Variants in KCNK2 observed in about 807,000 individuals in gnomAD.
The protein encoded by KCNK2 is potassium two pore domain channel subfamily K member 2, also known as potassium channel subfamily K member 2.
In KCNK2, 21 loss-of-function variants were observed where a neutral mutation model predicts 40.5. That is an observed-to-expected ratio of 0.52 (90% CI 0.37 to 0.75). The LOEUF is 0.75. Ranked by LOEUF, KCNK2 falls within the 30% of genes least tolerant of loss-of-function variation. The pLI is 0.00. For missense variants in KCNK2, 399 were observed against 531.6 expected (o/e 0.75, Z 2.45); for synonymous variants, 191 against 202.2 (o/e 0.94, Z 0.47).
rs563145996 is a variant in KCNK2 at position 215,230,761 on chromosome 1, C to T, written c.964-4067C>T. ...GCTAGAAGGTGAGGCTCCCATTCAT[C>T]CCCCCACCTGTCCCACCCCATTTCT... On this transcript the variant is annotated intron_variant, in intron 6 of 6. Coordinates refer to ENST00000444842, the MANE Select transcript of KCNK2 (RefSeq NM_001017425.3). Among the ~76,000 whole-genome samples the T allele has an allele frequency of 1.3e-4, 20 of 151,598 alleles. No individual in the cohort carries two copies. The East Asian group carries it at 1.6e-3, about 12-fold the overall frequency.
chr1:215,224,087 T>C (rs1373458330), intron 6 of KCNK2, among the ~76,000 whole-genome samples: 2 of 152,160 alleles, frequency 1.3e-5, no homozygotes, highest in African/African-American at 2.4e-5. Context: ...AAGCAGCATA[T>C]TGAAAATGAA....
At chr1:215,177,229 A>T (rs1171380025) in intron 5 of KCNK2, among the ~76,000 whole-genome samples, 1 of 151,762 alleles carries the variant, frequency 6.6e-6, no homozygotes, top group East Asian at 1.9e-4. Flanking sequence ...GATTTGTTTA[A>T]ATTCCTTTAA....
Position 215,169,249 on chromosome 1 carries a change from A to T in KCNK2, c.526A>T (p.Ile176Phe). Residue 176 changes from isoleucine to phenylalanine, a missense_variant, in exon 4 of 7, where the codon ATC becomes TTC. Transcript: ENST00000444842. ...AGAAGGCGGCAAAATATTCTGTATC[A>T]TCTATGCCTTACTGGGAATTCCCCT... Reference protein sequence around the residue: ...RTEGGKIFCIIYALLGIPLFG... With the variant: ...RTEGGKIFCIFYALLGIPLFG... 1.2e-6 allele frequency: 2 copies of T among 1,613,188 alleles called. No individual in the cohort carries two copies. Among genetic ancestry groups the T allele is most frequent in the Non-Finnish European group, 1.7e-6 (2 of 1,179,396 alleles).
At chr1:215,077,066 A>G (rs1367752484) in intron 1 of KCNK2, among the ~76,000 whole-genome samples, 1 of 152,202 alleles carries the variant, frequency 6.6e-6, no homozygotes, top group Non-Finnish European at 1.5e-5. Context: ...TTTCAGGCTC[A>G]AGGTCAGCGG....
chr1:215,100,376 G>A (rs946072773), intron 2 of KCNK2, among the ~76,000 whole-genome samples: 3 of 151,900 alleles, frequency 2.0e-5, no homozygotes, highest in South Asian at 2.1e-4. Flanking sequence ...TAAATGGAAC[G>A]TCTTATTTTC....
intron 1 of KCNK2, among the ~76,000 whole-genome samples, chr1:215,026,569 C>A (rs540311999): frequency 5.1e-4 from 78 of 152,018 alleles, no homozygotes; most frequent in Non-Finnish European, 1.0e-3. Flanking sequence ...AATGTATACA[C>A]TCTGTCTTTT....
At chr1:215,075,354 T>A (rs1658891123) in intron 1 of KCNK2, among the ~76,000 whole-genome samples, 1 of 152,200 alleles carries the variant, frequency 6.6e-6, no homozygotes, top group South Asian at 2.1e-4. Context: ...AGTTTTATGG[T>A]AAAGTAACAT....
At chr1:215,007,935 A>G (rs759543993) in intron 1 of KCNK2, among the ~76,000 whole-genome samples, 18 of 152,166 alleles carry the variant, frequency 1.2e-4, no homozygotes, top group Non-Finnish European at 2.5e-4. Context: ...CAAATCTTTC[A>G]GAAGCAATTC....
chr1:215,170,280 G>A (rs1027831818), intron 4 of KCNK2, among the ~76,000 whole-genome samples: 2 of 152,108 alleles, frequency 1.3e-5, no homozygotes, highest in African/African-American at 4.8e-5. Context: ...AGAACCAAAG[G>A]TGTAGAATAC....
At chr1:215,011,708 T>C (rs1448443537) in intron 1 of KCNK2, among the ~76,000 whole-genome samples, 1 of 151,934 alleles carries the variant, frequency 6.6e-6, no homozygotes, top group Non-Finnish European at 1.5e-5. Flanking sequence ...TGGGTTCAAG[T>C]GATTCTCCCG....
chr1:215,100,500 G>C (rs866040019), intron 2 of KCNK2, among the ~76,000 whole-genome samples: 1 of 151,944 alleles, frequency 6.6e-6, no homozygotes, highest in Non-Finnish European at 1.5e-5. Flanking sequence ...TGAAGCCAGT[G>C]AATATGATGG....
intron 1 of KCNK2, chr1:215,083,643 G>C (rs1158171517): frequency 6.6e-6 from 4 of 604,890 alleles, no homozygotes; most frequent in African/African-American, 1.9e-5. Context: ...GCCGGTGCCC[G>C]GGGTTTTTGC....
In KCNK2 at chr1:215,234,955, A is replaced by G; in HGVS notation, c.1091A>G (p.Lys364Arg). The G allele has an allele frequency of 6.2e-7, 1 of 1,614,062 alleles. No homozygotes were observed. Among genetic ancestry groups the G allele is most frequent in the Non-Finnish European group, 8.5e-7 (1 of 1,179,990 alleles). The part of the protein sequence containing the change: ...KFQRATSIKR[K>R]LSAELAGNHN... ...CAGCGGGCCACCTCCATCAAGCGGA[A>G]GCTCTCGGCAGAACTGGCTGGAAAC... is the stretch of plus-strand genomic sequence containing the variant. The change falls in exon 7 of 7, where the codon AAG becomes AGG. Residue 364 changes from lysine (K) to arginine (R), a missense_variant. This residue lies in a region of KCNK2 where 103 missense variants were observed against 124.3 expected (regional missense o/e 0.83). Transcript: ENST00000444842.
At chr1:215,053,136 G>A (rs1658045867) in intron 1 of KCNK2, among the ~76,000 whole-genome samples, 1 of 152,010 alleles carries the variant, frequency 6.6e-6, no homozygotes, top group Non-Finnish European at 1.5e-5. Context: ...GGACGTGCAG[G>A]TTAGTTCAGC....
chr1:215,165,046 TA>T (rs1288973698), intron 3 of KCNK2, among the ~76,000 whole-genome samples: 2 of 152,226 alleles, frequency 1.3e-5, no homozygotes, highest in African/African-American at 4.8e-5. Context: ...CTTTGTATCA[TA>T]AGGAATCCTA....
rs1661337963 is a variant in KCNK2, at chr1:215,124,658, G to A, written c.383G>A (p.Gly128Glu). 6.2e-7 allele frequency: 1 copy of A among 1,611,410 alleles called. No homozygotes were observed. Among genetic ancestry groups the A allele is most frequent in the Admixed American group, 1.7e-5 (1 of 59,976 alleles). ...CAAATAGTGGCAGCAATAAATGCAG[G>A]GATTATACCGTTAGGAAACACCTCC... ...IQQIVAAINAGIIPLGNTSNQ... is the reference protein window; with the variant it reads ...IQQIVAAINAEIIPLGNTSNQ... The change falls in exon 3 of 7, where the codon GGG (glycine) becomes GAG (glutamate). Residue 128 changes from glycine (G) to glutamate (E), a missense_variant. Around this residue, in one of 3 missense-constraint regions of KCNK2, gnomAD observed 279 missense variants for 353.8 expected, o/e 0.79. Transcript: ENST00000444842.
chr1:215,164,454 C>T (rs949936102), intron 3 of KCNK2, among the ~76,000 whole-genome samples: 2 of 151,990 alleles, frequency 1.3e-5, no homozygotes, highest in Non-Finnish European at 2.9e-5. Context: ...TTGTCTTCTG[C>T]TAGCTTTTGA....
At chr1:215,164,306 CT>C (rs1663343282) in intron 3 of KCNK2, among the ~76,000 whole-genome samples, 1 of 152,050 alleles carries the variant, frequency 6.6e-6, no homozygotes, top group Non-Finnish European at 1.5e-5. Context: ...TGATTCTTCT[CT>C]CTTTTCTTTT....
At chr1:215,076,969 G>T (rs909095897) in intron 1 of KCNK2, among the ~76,000 whole-genome samples, 1 of 152,198 alleles carries the variant, frequency 6.6e-6, no homozygotes, top group Non-Finnish European at 1.5e-5. Flanking sequence ...TTATCACCTG[G>T]ACTTGGTCAT....
Sources: allele counts gnomAD v4.1 joint callset (sites outside exome capture counted in the v4.1 genomes callset), GRCh38; gene constraint gnomAD v4.1.1; regional missense constraint gnomAD v4.1.1; transcripts MANE v1.5; gene names NCBI Gene and HGNC (gene_info 2026-07-23, HGNC 2026-07-21).